The following BBS9 variants were observed in gnomAD, a reference collection of about 807,000 sequenced individuals.
The protein encoded by BBS9 is protein PTHB1.
BBS9 carries 89 observed loss-of-function variants against 117.7 expected under a neutral mutation model. The ratio of observed to expected loss-of-function variants is 0.76; its 90% CI spans 0.64 to 0.90. The LOEUF is 0.90. Ranked by LOEUF, BBS9 falls within the 40% of genes least tolerant of loss-of-function variation. The probability of loss-of-function intolerance (pLI) is 0.00; values close to 1 mark genes in which losing one functional copy is unlikely to be tolerated. For synonymous variants in BBS9, 379 were observed against 370.9 expected, an observed-to-expected ratio of 1.02 and a Z score of -0.25; for missense variants, 982 against 1,042.2, an observed-to-expected ratio of 0.94 and a Z score of 0.80.
chr7:33,360,373 G>A lies in BBS9; in HGVS notation c.1693+2378G>A, dbSNP rs74792864. On this transcript the variant is annotated intron_variant, in intron 16 of 22. Coordinates refer to ENST00000242067, the MANE Select transcript of BBS9 (RefSeq NM_198428.3). ...CTAACAACAATGTTTGAATAAAGGC[G>A]TCCAGTACCCCAAACCTTGCCAATA... 6.3e-3 allele frequency among the ~76,000 whole-genome samples: 955 copies of A among 152,052 alleles called. 9 individuals carry two copies. The highest frequency in any genetic ancestry group is 0.021 in the African/African-American group (890 of 41,490).
chr7:33,388,086 A>G lies in BBS9; in HGVS notation c.2057A>G (p.Asp686Gly). The part of the protein sequence containing the change: ...IQRRLLARFK[D>G]KTPAPLQHLD... ...CGCCGGCTACTAGCAAGATTCAAAG[A>G]TAAAACTCCTGCCCCTCTTCAACAC... Residue 686 changes from aspartate to glycine, a missense_variant, in exon 19 of 23, where the codon GAT becomes GGT. Asp to Gly is a moderately conservative substitution (Grantham distance 94, BLOSUM62 -1). Coordinates refer to ENST00000242067, the MANE Select transcript of BBS9 (RefSeq NM_198428.3). 6.2e-7 allele frequency: 1 copy of G among 1,614,174 alleles called. No individual in the cohort carries two copies. The highest frequency in any genetic ancestry group is 8.5e-7 in the Non-Finnish European group (1 of 1,180,012).
intron 19 of BBS9, among the ~76,000 whole-genome samples, chr7:33,418,231 T>C (rs1244685143): frequency 6.6e-6 from 1 of 152,210 alleles, no homozygotes; most frequent in Admixed American, 6.5e-5. Context: ...ATCCATGTGT[T>C]CATTTGTTGC....
At chr7:33,206,561 C>T (rs1786965088) in intron 5 of BBS9, among the ~76,000 whole-genome samples, 1 of 152,086 alleles carries the variant, frequency 6.6e-6, no homozygotes, top group Middle Eastern at 3.2e-3. Flanking sequence ...CTCTCACTTG[C>T]TCTGTCTCCT....
chr7:33,478,349 G>A (rs1356402293), intron 19 of BBS9, among the ~76,000 whole-genome samples: 1 of 152,086 alleles, frequency 6.6e-6, no homozygotes, highest in African/African-American at 2.4e-5. Flanking sequence ...GAAAAGCTAG[G>A]GGTTTTAGGA....
chr7:33,434,629 C>T (rs1031835846), intron 19 of BBS9, among the ~76,000 whole-genome samples: 4 of 152,154 alleles, frequency 2.6e-5, no homozygotes, highest in Admixed American at 2.6e-4. Flanking sequence ...GCTACTTCAT[C>T]AGTAATAACT....
chr7:33,543,868 A>G (rs1010409448), intron 21 of BBS9, among the ~76,000 whole-genome samples: 3 of 151,936 alleles, frequency 2.0e-5, no homozygotes, highest in Non-Finnish European at 4.4e-5. Context: ...ATAATCCCAG[A>G]CTTCTTGGAG....
chr7:33,635,601 A>G (rs1186279020), exon 22 of BBS9, among the ~76,000 whole-genome samples: 1 of 152,206 alleles, frequency 6.6e-6, no homozygotes, highest in Admixed American at 6.5e-5. Context: ...CTTTCTGGAA[A>G]AATCCTCTGT....
intron 19 of BBS9, among the ~76,000 whole-genome samples, chr7:33,485,546 T>TG (rs1241402173): frequency 6.6e-6 from 1 of 152,098 alleles, no homozygotes; most frequent in Non-Finnish European, 1.5e-5. Context: ...CCTGACCTCG[T>TG]GATCCACCTG....
intron 19 of BBS9, among the ~76,000 whole-genome samples, chr7:33,445,638 T>C (rs1836873607): frequency 2.0e-5 from 3 of 152,226 alleles, no homozygotes; most frequent in Admixed American, 2.0e-4. Flanking sequence ...ATCTAAATGA[T>C]ATTGATATGG....
At chr7:33,203,479 C>T (rs1341795191) in intron 5 of BBS9, among the ~76,000 whole-genome samples, 1 of 152,088 alleles carries the variant, frequency 6.6e-6, no homozygotes, top group Non-Finnish European at 1.5e-5. Context: ...TGTACAGAGA[C>T]TTTTCTGGGC....
intron 17 of BBS9, among the ~76,000 whole-genome samples, chr7:33,381,736 G>T (rs757905368): frequency 1.3e-5 from 2 of 152,174 alleles, no homozygotes; most frequent in African/African-American, 2.4e-5. Flanking sequence ...TAAGACTGGG[G>T]TGAAGGGAGG....
Position 33,404,060 on chromosome 7 carries a change from A to G in BBS9, c.2115+15916A>G, listed in dbSNP as rs147351822. 7.5e-3 allele frequency among the ~76,000 whole-genome samples: 1,135 copies of G among 152,220 alleles called. 16 individuals carry two copies. The highest frequency in any genetic ancestry group is 0.026 in the African/African-American group (1,094 of 41,538). On this transcript the variant is annotated intron_variant, in intron 19 of 22. Coordinates refer to ENST00000242067, the MANE Select transcript of BBS9 (RefSeq NM_198428.3). The stretch of plus-strand genomic sequence containing the variant: ...GTGGTTTTGTTTGAGCTTTCTACAT[A>G]TGGCTAGCCAGTTTTCCCAGCACCA...
chr7:33,560,012 TC>T (rs1563361297), intron 21 of BBS9, among the ~76,000 whole-genome samples: 1 of 152,074 alleles, frequency 6.6e-6, no homozygotes, highest in Non-Finnish European at 1.5e-5. Context: ...TCATGACTCT[TC>T]CCCTGACCCA....
Position 33,542,097 on chromosome 7 carries a change from T to TTG in BBS9, c.2521+7922_2521+7923insGT, listed in dbSNP as rs1449282938. ...TTGGTAACATGAGTAAGTTCTTTTT[T>TTG]TTTTTAAGACAGAGTCTCACTCTGT... On this transcript the variant is annotated intron_variant, in intron 21 of 22. Coordinates refer to ENST00000242067, the MANE Select transcript of BBS9 (RefSeq NM_198428.3). 7.2e-5 allele frequency among the ~76,000 whole-genome samples: 11 copies of TTG among 151,994 alleles called. No homozygotes were observed. The East Asian group carries it at 2.1e-3, about 29-fold the overall frequency.
intron 19 of BBS9, among the ~76,000 whole-genome samples, chr7:33,435,507 G>C (rs970694440): frequency 2.1e-5 from 2 of 95,892 alleles, no homozygotes; most frequent in African/African-American, 8.8e-5. Context: ...ATATGTGGAA[G>C]GTTAAGGCTA....
At chr7:33,547,277 T>C (rs990927037) in intron 21 of BBS9, among the ~76,000 whole-genome samples, 3 of 152,122 alleles carry the variant, frequency 2.0e-5, no homozygotes, top group African/African-American at 7.2e-5. Context: ...GGAAAGCAAA[T>C]AAATGGAAGA....
intron 1 of BBS9, among the ~76,000 whole-genome samples, chr7:33,143,265 G>T (rs1185152619): frequency 2.6e-5 from 4 of 152,074 alleles, no homozygotes; most frequent in Admixed American, 2.6e-4. Context: ...CACTGTGCCC[G>T]GCCCTATGTT....
intron 5 of BBS9, among the ~76,000 whole-genome samples, chr7:33,237,009 A>G (rs909027522): frequency 6.6e-6 from 1 of 152,122 alleles, no homozygotes; most frequent in Admixed American, 6.6e-5. Context: ...AATGCTTTCA[A>G]TAGTTTTTAT....
intron 9 of BBS9, among the ~76,000 whole-genome samples, chr7:33,280,265 T>A (rs1801553932): frequency 6.6e-6 from 1 of 152,150 alleles, no homozygotes. Flanking sequence ...GGGGTACAGA[T>A]TCTGTCACCC....
Sources: allele counts gnomAD v4.1 joint callset (sites outside exome capture counted in the v4.1 genomes callset), GRCh38; gene constraint gnomAD v4.1.1; transcripts MANE v1.5; gene names NCBI Gene and HGNC (gene_info 2026-07-23, HGNC 2026-07-21).